The following CSRNP1 variants were observed in gnomAD, a reference collection of about 807,000 sequenced individuals.
CSRNP1 encodes cysteine and serine rich nuclear protein 1, also known as cysteine/serine-rich nuclear protein 1.
A neutral mutation model predicts 25.0 loss-of-function variants in CSRNP1; 8 were observed. The ratio of observed to expected loss-of-function variants is 0.32; its 90% confidence interval spans 0.19 to 0.58. The LOEUF is 0.58. Ranked by LOEUF, CSRNP1 falls within the 20% of genes least tolerant of loss-of-function variation. The pLI is 0.88. For synonymous variants in CSRNP1, 305 were observed against 303.1 expected (o/e 1.01, Z -0.06); for missense variants, 691 against 773.1 (o/e 0.89, Z 1.26).
chr3:39,143,208 C>A lies in CSRNP1; in HGVS notation c.1617G>T (p.Leu539=). The A allele has an allele frequency of 3.1e-6, 5 of 1,614,234 alleles. No homozygotes were observed. Among genetic ancestry groups the A allele is most frequent in the Non-Finnish European group, 3.4e-6 (4 of 1,180,042 alleles). The change falls in exon 5 of 5, where the codon CTG becomes CTT. Residue 539 remains leucine, a synonymous_variant. Transcript: ENST00000273153. ...CATCCCCAGGTGGAGACAGGCCAGG[C>A]AGGGGGAAGTGAGGTGCCTCGATGT... ...LDNIEAPHFP[L]PGLSPPGDAS... is the part of the protein sequence containing the mutation.
chr3:39,154,434 T>G (rs2039629582), upstream of CSRNP1: 1 of 152,266 alleles, frequency 6.6e-6, no homozygotes, highest in African/African-American at 2.4e-5. Flanking sequence ...GGCAACCAAG[T>G]CCTGGCCTGG....
chr3:39,146,193 G>A (rs2039507650), intron 2 of CSRNP1, among the ~76,000 whole-genome samples: 1 of 152,164 alleles, frequency 6.6e-6, no homozygotes, highest in Non-Finnish European at 1.5e-5. Context: ...GCTCATTGGA[G>A]AAACGAAACT....
intron 1 of CSRNP1, chr3:39,149,234 A>C (rs890351095): frequency 2.6e-5 from 4 of 152,160 alleles, no homozygotes; most frequent in Admixed American, 6.5e-5. Flanking sequence ...TTCAAAAAAA[A>C]AGGCAGAACT....
intron 1 of CSRNP1, chr3:39,149,523 AC>A (rs1309202557): frequency 1.3e-5 from 2 of 152,188 alleles, no homozygotes; most frequent in Non-Finnish European, 2.9e-5. Context: ...CACAGTGGCC[AC>A]CCCATGTCCC....
Position 39,146,493 on chromosome 3 carries a change from G to A in CSRNP1, c.190C>T (p.Pro64Ser). 1 of 1,545,720 alleles carries A rather than the reference G, an allele frequency of 6.5e-7. No homozygotes were observed. Among genetic ancestry groups the A allele is most frequent in the Non-Finnish European group, 8.7e-7 (1 of 1,143,714 alleles). The change falls in exon 2 of 5, where the codon CCC (proline) becomes TCC (serine). Residue 64 changes from proline to serine, a missense_variant. Coordinates refer to ENST00000273153, the MANE Select transcript of CSRNP1 (RefSeq NM_033027.4). ...GAGTACTCACGGGTGAAACTTCTGG[G>A]GCCGCAGAAGTCACGGTCAGGCAGG... ...MPLPDRDFCG[P>S]RSFTPLSILK...
rs1167568904 is a variant in CSRNP1 at position 39,143,228 on chromosome 3, C to T, written c.1597G>A (p.Glu533Lys). 8.7e-6 allele frequency: 14 copies of T among 1,613,990 alleles called. No homozygotes were observed. Among genetic ancestry groups the T allele is most frequent in the Admixed American group, 1.7e-5 (1 of 60,002 alleles). ...QKVSDSLDNI[E>K]APHFPLPGLS... ...CCAGGCAGGGGGAAGTGAGGTGCCT[C>T]GATGTTGTCCAGGCTGTCAGACACC... Residue 533 changes from glutamate to lysine, a missense_variant, in exon 5 of 5, where the codon GAG becomes AAG. Physicochemically the swap from Glu to Lys is moderately conservative, Grantham distance 56. Transcript: ENST00000273153.
In CSRNP1 at chr3:39,143,258, G is replaced by A; in HGVS notation, c.1567C>T (p.Gln523Ter). 6.2e-7 allele frequency: 1 copy of A among 1,614,248 alleles called. No homozygotes were observed. Residue 523 changes from glutamine to a stop codon, truncating the protein, a stop_gained, in exon 5 of 5, where the codon CAG becomes TAG. Coordinates refer to ENST00000273153, the MANE Select transcript of CSRNP1 (RefSeq NM_033027.4). LOFTEE classifies it low-confidence loss of function (END_TRUNC). ...TTGTCCAGGCTGTCAGACACCTTCT[G>A]TGATGTGTAGTGAGGCCCCAGACTA... The part of the protein sequence containing the change: ...DYSLGPHYTS[Q>*]KVSDSLDNIE...
Position 39,143,385 on chromosome 3 carries a change from G to A in CSRNP1, c.1440C>T (p.Gly480=), listed in dbSNP as rs780139369. The change falls in exon 5 of 5, where the codon GGC becomes GGT. Residue 480 remains glycine, a synonymous_variant. Coordinates refer to ENST00000273153, the MANE Select transcript of CSRNP1 (RefSeq NM_033027.4). ...CGTCCATGCTGGGTGGCACTGAGGTGCCAGGAAGGCTGCCTTCCCTTGACC... is the reference window on the plus strand; with the variant it reads ...CGTCCATGCTGGGTGGCACTGAGGTACCAGGAAGGCTGCCTTCCCTTGACC... The part of the protein sequence containing the change: ...LEGSREGSLP[G]TSVPPSMDAG... The A allele has an allele frequency of 6.8e-6, 11 of 1,614,058 alleles. No homozygotes were observed. The East Asian group carries it at 2.2e-4, about 33-fold the overall frequency.
rs781238568 is a variant in CSRNP1, at chr3:39,143,397, G to A, written c.1428C>T (p.Gly476=). 1 of 1,614,182 alleles carries A rather than the reference G, an allele frequency of 6.2e-7. No homozygotes were observed. The highest frequency in any genetic ancestry group is 8.5e-7 in the Non-Finnish European group (1 of 1,180,004). ...LNGGLEGSRE[G]SLPGTSVPPS... ...GTGGCACTGAGGTGCCAGGAAGGCT[G>A]CCTTCCCTTGACCCTTCAAGGCCAC... Residue 476 remains glycine (G), a synonymous_variant, in exon 5 of 5, where the codon GGC becomes GGT. Coordinates refer to ENST00000273153, the MANE Select transcript of CSRNP1 (RefSeq NM_033027.4).
chr3:39,142,933 G>C lies in CSRNP1; in HGVS notation c.*122C>G. On this transcript the variant is annotated 3_prime_UTR_variant, in exon 5 of 5. Coordinates refer to ENST00000273153, the MANE Select transcript of CSRNP1 (RefSeq NM_033027.4). ...AGAGAATTGTTTGAAAACCAGGAGT[G>C]TGCACATGGCACCTGTGGGTGAGCC... 6 of 1,083,324 alleles carry C rather than the reference G, an allele frequency of 5.5e-6. No homozygotes were observed. The highest frequency in any genetic ancestry group is 8.0e-6 in the Non-Finnish European group (6 of 747,640). The allele number at this position is 1,083,324 out of a possible 1,614,324, so 67.1% of individuals were successfully genotyped here.
chr3:39,146,511 C>G lies in CSRNP1; in HGVS notation c.172G>C (p.Asp58His). Residue 58 changes from aspartate to histidine, a missense_variant, in exon 2 of 5, where the codon GAC (aspartate) becomes CAC (histidine). By Grantham distance (81) the Asp-to-His change is moderately conservative (BLOSUM62 -1). Transcript: ENST00000273153. ...CTTCTGGGGCCGCAGAAGTCACGGT[C>G]AGGCAGGGGCATCTGATCCCAGGGG... ...EGPWDQMPLP[D>H]RDFCGPRSFT... The G allele has an allele frequency of 2.6e-6, 4 of 1,549,694 alleles. No individual in the cohort carries two copies. The highest frequency in any genetic ancestry group is 3.5e-6 in the Non-Finnish European group (4 of 1,145,904).
In CSRNP1 at chr3:39,143,787, G is replaced by A. The variant is rs967347234; in HGVS notation, c.1038C>T (p.Asn346=). 1.9e-6 allele frequency: 3 copies of A among 1,614,016 alleles called. No individual in the cohort carries two copies. Among genetic ancestry groups the A allele is most frequent in the African/African-American group, 2.7e-5 (2 of 74,950 alleles). ...KPPMNNELGD[N]SCSSDMTDSS... is the part of the protein sequence containing the mutation. Reference sequence around the variant, plus strand: ...AATCAGTCATGTCGCTGCTGCAGCTGTTGTCTCCCAGCTCATTGTTCATGG... The same window carrying A: ...AATCAGTCATGTCGCTGCTGCAGCTATTGTCTCCCAGCTCATTGTTCATGG... Residue 346 remains asparagine (N), a synonymous_variant, in exon 5 of 5, where the codon AAC becomes AAT. Transcript: ENST00000273153.
rs1047245357 is a variant in CSRNP1 at position 39,143,652 on chromosome 3, C to T, written c.1173G>A (p.Leu391=). The change falls in exon 5 of 5, where the codon CTG becomes CTA. Residue 391 remains leucine, a synonymous_variant. Coordinates refer to ENST00000273153, the MANE Select transcript of CSRNP1 (RefSeq NM_033027.4). ...GFQPGVDDDS[L]ARILSFSDSD... is the part of the protein sequence containing the mutation. ...AGTCACTGAAACTCAAGATGCGTGC[C>T]AGGCTGTCATCATCAACGCCAGGCT... 3.7e-6 allele frequency: 6 copies of T among 1,614,118 alleles called. No individual in the cohort carries two copies. In the African/African-American group the frequency reaches 5.3e-5, roughly 14 times the overall value.
chr3:39,146,911 G>A (rs2039521073), intron 1 of CSRNP1, among the ~76,000 whole-genome samples, 189 bp from the exon 2 acceptor site: 1 of 152,048 alleles, frequency 6.6e-6, no homozygotes, highest in Non-Finnish European at 1.5e-5. Flanking sequence ...ACAAGACACA[G>A]CACCTCCCTC....
intron 2 of CSRNP1, 98 bp downstream of exon 2, chr3:39,146,380 A>C (rs2039510988): frequency 1.4e-6 from 2 of 1,415,588 alleles, no homozygotes; most frequent in Non-Finnish European, 9.4e-7. Context: ...ATGGGGACCT[A>C]ACCACCAGAG....
At position 39,143,827 on chromosome 3, in the gene CSRNP1, G is replaced by A; in HGVS notation, c.998C>T (p.Pro333Leu). 6.2e-7 allele frequency: 1 copy of A among 1,614,224 alleles called. No homozygotes were observed. Among genetic ancestry groups the A allele is most frequent in the Non-Finnish European group, 8.5e-7 (1 of 1,180,030 alleles). ...ATTGTTCATGGGGGGCTTGGCCAGTGGGAAAGTAGGGACCAGGGCCTCCTC... is the reference window on the plus strand; with the variant it reads ...ATTGTTCATGGGGGGCTTGGCCAGTAGGAAAGTAGGGACCAGGGCCTCCTC... ...PGEEALVPTFPLAKPPMNNEL... is the reference protein window; with the variant it reads ...PGEEALVPTFLLAKPPMNNEL... The change falls in exon 5 of 5, where the codon CCA becomes CTA. Residue 333 changes from proline (P) to leucine (L), a missense_variant. Transcript: ENST00000273153.
rs1188823766 is a variant in CSRNP1, at chr3:39,143,218, T to C, written c.1607A>G (p.His536Arg). 1.2e-6 allele frequency: 2 copies of C among 1,614,116 alleles called. No homozygotes were observed. Among genetic ancestry groups the C allele is most frequent in the South Asian group, 1.1e-5 (1 of 91,080 alleles). Residue 536 changes from histidine to arginine, a missense_variant, in exon 5 of 5, where the codon CAC (histidine) becomes CGC (arginine). Transcript: ENST00000273153. The part of the protein sequence containing the change: ...SDSLDNIEAP[H>R]FPLPGLSPPG... ...TGGAGACAGGCCAGGCAGGGGGAAG[T>C]GAGGTGCCTCGATGTTGTCCAGGCT...
At chr3:39,145,369 T>C in intron 2 of CSRNP1, 113 bp from the exon 3 acceptor site, 1 of 1,280,748 alleles carries the variant, frequency 7.8e-7, no homozygotes, top group Non-Finnish European at 1.1e-6. Flanking sequence ...CTCCTCCCTC[T>C]CCACCCATTT....
intron 1 of CSRNP1, among the ~76,000 whole-genome samples, chr3:39,148,066 T>C (rs1023915919): frequency 2.0e-5 from 3 of 152,164 alleles, no homozygotes; most frequent in African/African-American, 7.2e-5. Context: ...CCGAATCCTG[T>C]AGAGTTTGCT....
Sources: allele counts gnomAD v4.1 joint callset (sites outside exome capture counted in the v4.1 genomes callset), GRCh38; gene constraint gnomAD v4.1.1; transcripts MANE v1.5; gene names NCBI Gene and HGNC (gene_info 2026-07-23, HGNC 2026-07-21).